DELE1: variants seen among roughly 807,000 people sequenced by gnomAD.
The protein encoded by DELE1 is DAP3 binding cell death enhancer 1.
DELE1 carries 54 observed loss-of-function variants against 59.3 expected under a neutral mutation model. The observed-to-expected ratio is 0.91, with a 90% confidence interval of 0.73 to 1.14. The LOEUF (loss-of-function observed/expected upper bound fraction) is 1.14. DELE1 is among the 50% of genes most tolerant of loss of function. The pLI is 0.00. For missense variants in DELE1, 636 were observed against 643.9 expected, an observed-to-expected ratio of 0.99 and a Z score of 0.13; for synonymous variants, 264 against 259.1, an observed-to-expected ratio of 1.02 and a Z score of -0.18.
chr5:141,927,059 T>C (rs1751481548), intron 3 of DELE1, among the ~76,000 whole-genome samples: 1 of 152,246 alleles, frequency 6.6e-6, no homozygotes, highest in African/African-American at 2.4e-5. Context: ...AACTCTCTGA[T>C]TAGTTTCCTT....
At chr5:141,924,364 A>G (rs1232324089) in intron 1 of DELE1, among the ~76,000 whole-genome samples, 1 of 152,244 alleles carries the variant, frequency 6.6e-6, no homozygotes, top group Non-Finnish European at 1.5e-5. Context: ...AGTGGTTGGC[A>G]TCCACAGGAG....
intron 2 of DELE1, among the ~76,000 whole-genome samples, chr5:141,924,963 T>C (rs986489104): frequency 1.3e-5 from 2 of 151,980 alleles, no homozygotes; most frequent in Non-Finnish European, 2.9e-5. Flanking sequence ...AGTCTCGCTC[T>C]GTCGCCCAGG....
At chr5:141,929,902 G>A (rs1163210561) in intron 5 of DELE1, 87 bp from the exon 6 acceptor site, 1 of 1,524,036 alleles carries the variant, frequency 6.6e-7, no homozygotes, top group Non-Finnish European at 9.1e-7. Context: ...GGTGCTGGCT[G>A]GAAAGCCTGG....
Position 141,940,872 on chromosome 5 carries a change from C to CA in DELE1, c.*2120dup. ...ACTAAGCTCTCTGCCAAAAAACAAA[C>CA]AAAAAAAGGTTTCTGTGGTTAAATA... On this transcript the variant is annotated 3_prime_UTR_variant, in exon 12 of 12. Coordinates refer to ENST00000432126, the MANE Select transcript of DELE1 (RefSeq NM_014773.5). The CA allele has an allele frequency of 2.0e-6, 2 of 985,190 alleles. No homozygotes were observed. The highest frequency in any genetic ancestry group is 1.2e-6 in the Non-Finnish European group (1 of 829,824). The allele number at this position is 985,190 out of a possible 1,614,324, so 61.0% of individuals were successfully genotyped here.
At chr5:141,926,168 G>A (rs1359126083) in intron 3 of DELE1, among the ~76,000 whole-genome samples, 1 of 152,134 alleles carries the variant, frequency 6.6e-6, no homozygotes, top group Non-Finnish European at 1.5e-5. Context: ...GTGAGCCACC[G>A]CGCCCGGCCT....
Position 141,923,884 on chromosome 5 carries a change from G to A in DELE1, c.-58G>A. 1 of 1,566,176 alleles carries A rather than the reference G, an allele frequency of 6.4e-7. No individual in the cohort carries two copies. Among genetic ancestry groups the A allele is most frequent in the Non-Finnish European group, 8.7e-7 (1 of 1,155,172 alleles). On this transcript the variant is annotated 5_prime_UTR_variant, in exon 1 of 12. Coordinates refer to ENST00000432126, the MANE Select transcript of DELE1 (RefSeq NM_014773.5). ...CATCGCGGCGGCCTTTCTAGCCGCT[G>A]TCCCAAGGGTTGGTCTCGCGCTTTC...
At position 141,940,707 on chromosome 5, in the gene DELE1, A is replaced by G. The variant is rs1752688412; in HGVS notation, c.*1948A>G. The G allele has an allele frequency of 1.0e-6, 1 of 976,432 alleles. No homozygotes were observed. The highest frequency in any genetic ancestry group is 6.2e-5 in the Admixed American group (1 of 16,240). 60.5% of individuals were successfully genotyped at this position (976,432 alleles called of 1,614,324 possible). A position where few individuals can be genotyped will look rare whatever the true frequency, so the allele number is the denominator to read the frequency against. On this transcript the variant is annotated 3_prime_UTR_variant, in exon 12 of 12. Coordinates refer to ENST00000432126, the MANE Select transcript of DELE1 (RefSeq NM_014773.5). ...GGCTCACCACTGTTGGACCCTGCACATGGCCACCTTCCACAGATGGCACTC... is the reference window on the plus strand; with the variant it reads ...GGCTCACCACTGTTGGACCCTGCACGTGGCCACCTTCCACAGATGGCACTC...
Position 141,941,651 on chromosome 5 carries a change from C to A in DELE1, c.*2892C>A. ...AAGCCCGGCGCCCTCACCAATGAGACCTTTGTGGGAAGCTCTACTGCCTCA... is the reference window on the plus strand; with the variant it reads ...AAGCCCGGCGCCCTCACCAATGAGAACTTTGTGGGAAGCTCTACTGCCTCA... On this transcript the variant is annotated 3_prime_UTR_variant, in exon 12 of 12. Transcript: ENST00000432126. 1.0e-6 allele frequency: 1 copy of A among 985,376 alleles called. No individual in the cohort carries two copies. The allele number at this position is 985,376 out of a possible 1,614,324, so 61.0% of individuals were successfully genotyped here.
rs1027758915 is a variant in DELE1, at chr5:141,939,122, T to A, written c.*363T>A. ...GCCTGGGTTTTCTCACACTTAAATC[T>A]GTACTACTGTTTGCCAATGTCTGAT... On this transcript the variant is annotated 3_prime_UTR_variant, in exon 12 of 12. Transcript: ENST00000432126. The A allele has an allele frequency of 4.9e-6, 5 of 1,016,346 alleles. No individual in the cohort carries two copies. In the African/African-American group the frequency reaches 6.9e-5, roughly 14 times the overall value. 63.0% of individuals were successfully genotyped at this position (1,016,346 alleles called of 1,614,324 possible). A position where few individuals can be genotyped will look rare whatever the true frequency, so the allele number is the denominator to read the frequency against.
At position 141,937,269 on chromosome 5, in the gene DELE1, G is replaced by A; in HGVS notation, c.1221G>A (p.Glu407=). The change falls in exon 11 of 12, where the codon GAG becomes GAA. Residue 407 remains glutamate (E), a synonymous_variant. Transcript: ENST00000432126. ...TTGGTGTGCAGAGGAATCTGGGAGAGGCCTTGAGATGTTACCAGCAGTCAG... is the reference window on the plus strand; with the variant it reads ...TTGGTGTGCAGAGGAATCTGGGAGAAGCCTTGAGATGTTACCAGCAGTCAG... ...KGLGVQRNLG[E]ALRCYQQSAA... 1 of 1,614,188 alleles carries A rather than the reference G, an allele frequency of 6.2e-7. No individual in the cohort carries two copies. The highest frequency in any genetic ancestry group is 8.5e-7 in the Non-Finnish European group (1 of 1,180,042).
At chr5:141,937,599 T>G (rs1309911382) in intron 11 of DELE1, among the ~76,000 whole-genome samples, 2 of 149,606 alleles carry the variant, frequency 1.3e-5, no homozygotes, top group African/African-American at 2.5e-5. Context: ...TGAAACCCCG[T>G]CTCTATTAAA....
intron 7 of DELE1, among the ~76,000 whole-genome samples, chr5:141,931,867 C>A (rs1751939396): frequency 6.6e-6 from 1 of 152,186 alleles, no homozygotes; most frequent in Admixed American, 6.5e-5. Flanking sequence ...ACTTGCCCAT[C>A]CCTTCATTCA....
intron 3 of DELE1, among the ~76,000 whole-genome samples, chr5:141,926,316 G>A (rs1751418676): frequency 6.6e-6 from 1 of 152,138 alleles, no homozygotes; most frequent in Admixed American, 6.5e-5. Context: ...AACATGCGTA[G>A]GGTCTCATAC....
rs779697909 is a variant in DELE1, at chr5:141,933,331, A to G, written c.827A>G (p.Tyr276Cys). ...SYFQKAAARG[Y>C]SKAQYNAGLC... ...TTCCAGAAAGCTGCAGCCCGCGGCT[A>G]CAGCAAAGCGCAGTACAATGCGGGC... is the stretch of plus-strand genomic sequence containing the variant. The change falls in exon 8 of 12, where the codon TAC becomes TGC. Residue 276 changes from tyrosine to cysteine, a missense_variant. By Grantham distance (194) the Tyr-to-Cys change is radical. Coordinates refer to ENST00000432126, the MANE Select transcript of DELE1 (RefSeq NM_014773.5). 1 of 1,567,884 alleles carries G rather than the reference A, an allele frequency of 6.4e-7. No homozygotes were observed. The highest frequency in any genetic ancestry group is 2.3e-5 in the East Asian group (1 of 43,624).
chr5:141,927,018 G>C (rs10068636), intron 3 of DELE1, among the ~76,000 whole-genome samples: 10,761 of 152,246 alleles, frequency 0.071, 422 homozygotes, highest in South Asian at 0.14. Context: ...CTGACTCCTT[G>C]TCTTGTCAGG....
In DELE1 at chr5:141,929,578, C is replaced by A; in HGVS notation, c.413-4C>A. On this transcript the variant is annotated splice_region_variant and splice_polypyrimidine_tract_variant and intron_variant, in intron 4 of 11. Transcript: ENST00000432126. ...ACCTGACTACTCTTGCTGGCTCTTTCCAGCACTGCGACAACACATCCTCCC... is the reference window on the plus strand; with the variant it reads ...ACCTGACTACTCTTGCTGGCTCTTTACAGCACTGCGACAACACATCCTCCC... 1 of 1,613,078 alleles carries A rather than the reference C, an allele frequency of 6.2e-7. No individual in the cohort carries two copies. Among genetic ancestry groups the A allele is most frequent in the Non-Finnish European group, 8.5e-7 (1 of 1,179,832 alleles).
rs557715426 is a variant in DELE1, at chr5:141,929,334, C to T, written c.413-248C>T. On this transcript the variant is annotated intron_variant, in intron 4 of 11. Coordinates refer to ENST00000432126, the MANE Select transcript of DELE1 (RefSeq NM_014773.5). ...TGTGATCTTGGCTCACTGCAACCTC[C>T]GCCTCCTGGGTTCAAGCAATTTTCC... Among the ~76,000 whole-genome samples the T allele has an allele frequency of 4.6e-5, 7 of 152,194 alleles. No homozygotes were observed. The East Asian group carries it at 5.8e-4, about 13-fold the overall frequency.
intron 3 of DELE1, among the ~76,000 whole-genome samples, chr5:141,927,501 A>G (rs951037013): frequency 2.6e-5 from 4 of 152,222 alleles, no homozygotes; most frequent in African/African-American, 4.8e-5. Flanking sequence ...CCCTGGGTCA[A>G]CCTTCTTAAG....
Position 141,941,439 on chromosome 5 carries a change from C to G in DELE1, c.*2680C>G, listed in dbSNP as rs941942177. 1.7e-5 allele frequency: 17 copies of G among 985,386 alleles called. No homozygotes were observed. The highest frequency in any genetic ancestry group is 1.9e-5 in the Non-Finnish European group (16 of 829,986). The allele number at this position is 985,386 out of a possible 1,614,324, so 61.0% of individuals were successfully genotyped here. ...AAGGGACCAAAAATCCTTGGCTGTT[C>G]AGTCACTGCGGTCTTGATCCAGCCC... On this transcript the variant is annotated 3_prime_UTR_variant, in exon 12 of 12. Coordinates refer to ENST00000432126, the MANE Select transcript of DELE1 (RefSeq NM_014773.5).
Sources: allele counts gnomAD v4.1 joint callset (sites outside exome capture counted in the v4.1 genomes callset), GRCh38; gene constraint gnomAD v4.1.1; transcripts MANE v1.5; gene names NCBI Gene and HGNC (gene_info 2026-07-23, HGNC 2026-07-21).